AMDHD2: variants seen among roughly 807,000 people sequenced by gnomAD.
AMDHD2 encodes the protein N-acetylglucosamine-6-phosphate deacetylase.
A neutral mutation model predicts 41.8 loss-of-function variants in AMDHD2; 24 were observed. The observed-to-expected ratio is 0.57, with a 90% CI of 0.42 to 0.81. The LOEUF (loss-of-function observed/expected upper bound fraction) is 0.81, where lower values mean the gene tolerates loss of function less well. Ranked by LOEUF, AMDHD2 falls within the 30% of genes least tolerant of loss-of-function variation. The probability of loss-of-function intolerance (pLI) is 0.00; values close to 1 mark genes in which losing one functional copy is unlikely to be tolerated. For synonymous variants in AMDHD2, 332 were observed against 255.5 expected (o/e 1.30, Z -2.85); for missense variants, 540 against 588.5 (o/e 0.92, Z 0.85).
rs749350413 is a variant in AMDHD2 at position 2,523,905 on chromosome 16, C to T, written c.360+2782C>T. ...TCTGCTAAGCCTTGCCTACCTGTCCCCACTGTGCCCCCCACTGCCTGCGCA... is the reference window on the plus strand; with the variant it reads ...TCTGCTAAGCCTTGCCTACCTGTCCTCACTGTGCCCCCCACTGCCTGCGCA... On this transcript the variant is annotated intron_variant, in intron 3 of 10. Transcript: ENST00000293971. Among the ~76,000 whole-genome samples the T allele has an allele frequency of 2.0e-5, 3 of 152,262 alleles. No homozygotes were observed. In the South Asian group the frequency reaches 6.2e-4, roughly 31 times the overall value.
chr16:2,525,247 G>A (rs1342073465), intron 3 of AMDHD2, among the ~76,000 whole-genome samples: 1 of 151,574 alleles, frequency 6.6e-6, no homozygotes, highest in Non-Finnish European at 1.5e-5. Flanking sequence ...TAGTAGAGAT[G>A]GGCTTGCTCC....
At chr16:2,521,684 C>T (rs543567095) in intron 3 of AMDHD2, among the ~76,000 whole-genome samples, 3 of 151,466 alleles carry the variant, frequency 2.0e-5, no homozygotes, top group Admixed American at 6.6e-5. Context: ...CTGTATGTTA[C>T]TACTATTCAG....
intron 3 of AMDHD2, among the ~76,000 whole-genome samples, 189 bp downstream of exon 3, chr16:2,521,312 C>T (rs1042332707): frequency 6.6e-6 from 1 of 151,662 alleles, no homozygotes; most frequent in Non-Finnish European, 1.5e-5. Context: ...CTCTGCCTGG[C>T]CTCCCTAGAC....
chr16:2,525,683 T>C (rs1392413109), intron 3 of AMDHD2, among the ~76,000 whole-genome samples: 3 of 152,214 alleles, frequency 2.0e-5, no homozygotes, highest in African/African-American at 7.2e-5. Context: ...TAGCTGGGAC[T>C]ACAGGTGCTC....
intron 3 of AMDHD2, among the ~76,000 whole-genome samples, chr16:2,521,468 G>T (rs528553449): frequency 6.6e-6 from 1 of 152,180 alleles, no homozygotes; most frequent in Non-Finnish European, 1.5e-5. Flanking sequence ...TCTGTGATTG[G>T]CACAGCGATA....
In AMDHD2 at chr16:2,521,157, G is replaced by T. The variant is rs550043424; in HGVS notation, c.360+34G>T. 15 of 1,517,614 alleles carry T rather than the reference G, an allele frequency of 9.9e-6. No individual in the cohort carries two copies. In the East Asian group the frequency reaches 3.4e-4, roughly 34 times the overall value. 94.0% of individuals were successfully genotyped at this position (1,517,614 alleles called of 1,614,324 possible). On this transcript the variant is annotated intron_variant, in intron 3 of 10. Transcript: ENST00000293971. ...AGGCTCCCTGGCTGAGGTGGAGGGG[G>T]CTCCCGGAGCAACCAGCGCCCTCAT...
intron 3 of AMDHD2, among the ~76,000 whole-genome samples, chr16:2,524,391 A>AG (rs35778897): frequency 1.3e-5 from 2 of 152,150 alleles, no homozygotes; most frequent in African/African-American, 2.4e-5. Context: ...AGGCACCTCC[A>AG]GGGGGCAGCC....
chr16:2,529,943 A>G lies in AMDHD2; in HGVS notation c.*380A>G, dbSNP rs1300235372. 1 of 859,914 alleles carries G rather than the reference A, an allele frequency of 1.2e-6. No homozygotes were observed. Among genetic ancestry groups the G allele is most frequent in the Non-Finnish European group, 1.7e-6 (1 of 588,654 alleles). The allele number at this position is 859,914 out of a possible 1,614,324, so 53.3% of individuals were successfully genotyped here. A position where few individuals can be genotyped will look rare whatever the true frequency, so the allele number is the denominator to read the frequency against. On this transcript the variant is annotated 3_prime_UTR_variant, in exon 11 of 11. Coordinates refer to ENST00000293971, the MANE Select transcript of AMDHD2 (RefSeq NM_001330449.2). Reference sequence around the variant, plus strand: ...GTCACTATGGGAGGGAGGGGCAGGCAGTCAGTGGCTGGTGCCATGGGGTGA... The same window carrying G: ...GTCACTATGGGAGGGAGGGGCAGGCGGTCAGTGGCTGGTGCCATGGGGTGA...
Position 2,528,983 on chromosome 16 carries a change from C to G in AMDHD2, c.1040-11C>G, listed in dbSNP as rs753766613. On this transcript the variant is annotated splice_polypyrimidine_tract_variant and intron_variant, in intron 9 of 10. Transcript: ENST00000293971. The stretch of plus-strand genomic sequence containing the variant: ...CTTGGGGACTGTCACCTAGCTGTGT[C>G]CCCCAAGCAGGCTGCAGCATGGAGT... 1 of 1,566,710 alleles carries G rather than the reference C, an allele frequency of 6.4e-7. No homozygotes were observed. Among genetic ancestry groups the G allele is most frequent in the Non-Finnish European group, 8.6e-7 (1 of 1,157,012 alleles).
chr16:2,524,462 C>T (rs1258186669), intron 3 of AMDHD2, among the ~76,000 whole-genome samples: 2 of 152,252 alleles, frequency 1.3e-5, no homozygotes, highest in Non-Finnish European at 1.5e-5. Flanking sequence ...TGTTTACCTG[C>T]CTGGAGTGTG....
rs1338715879 is a variant in AMDHD2 at position 2,530,701 on chromosome 16, C to T, written c.*1138C>T. 6.2e-7 allele frequency: 1 copy of T among 1,614,074 alleles called. No homozygotes were observed. Among genetic ancestry groups the T allele is most frequent in the East Asian group, 2.2e-5 (1 of 44,880 alleles). ...CAAAGAGATAGGATGGTCTGGGCCC[C>T]ACCTGTTGGAAGGGAACAGCCAGGG... is the stretch of plus-strand genomic sequence containing the variant. On this transcript the variant is annotated 3_prime_UTR_variant, in exon 11 of 11. Coordinates refer to ENST00000293971, the MANE Select transcript of AMDHD2 (RefSeq NM_001330449.2).
chr16:2,525,265 C>T (rs1257777770), intron 3 of AMDHD2, among the ~76,000 whole-genome samples: 1 of 151,610 alleles, frequency 6.6e-6, no homozygotes, highest in East Asian at 1.9e-4. Context: ...TCCATGTTGG[C>T]AAGGCTGGTC....
chr16:2,520,687 C>T, intron 1 of AMDHD2, 82 bp from the exon 2 acceptor site: 3 of 1,363,964 alleles, frequency 2.2e-6, no homozygotes, highest in Non-Finnish European at 9.4e-7. Context: ...GTGCAGGGTG[C>T]GGGGCCGGGG....
At position 2,530,507 on chromosome 16, in the gene AMDHD2, C is replaced by T; in HGVS notation, c.*944C>T. ...CAGACGTCAGGGATTGGTGCAGCCCCACGTCAGGGGTGATTGTCTTGACTT... is the reference window on the plus strand; with the variant it reads ...CAGACGTCAGGGATTGGTGCAGCCCTACGTCAGGGGTGATTGTCTTGACTT... On this transcript the variant is annotated 3_prime_UTR_variant, in exon 11 of 11. Transcript: ENST00000293971. The T allele has an allele frequency of 6.2e-7, 1 of 1,614,114 alleles. No homozygotes were observed. The highest frequency in any genetic ancestry group is 8.5e-7 in the Non-Finnish European group (1 of 1,179,996).
Position 2,520,747 on chromosome 16 carries a change from C to G in AMDHD2, c.84-22C>G, listed in dbSNP as rs1452843100. 3 of 1,538,306 alleles carry G rather than the reference C, an allele frequency of 2.0e-6. No homozygotes were observed. The East Asian group carries it at 7.0e-5, about 36-fold the overall frequency. On this transcript the variant is annotated intron_variant, in intron 1 of 10. Transcript: ENST00000293971. ...GCCGAGGTCAGGCCCGCGATGCGAG[C>G]GCCCACCCACTGCGTCCCCAGGGAG...
chr16:2,527,771 A>G lies in AMDHD2; in HGVS notation c.416-2A>G. The stretch of plus-strand genomic sequence containing the variant: ...CTGGAGCCACTTGCTCCCTCCTCCC[A>G]GGGCTGCACCTGGAGGGCCCCTTCA... On this transcript the variant is annotated splice_acceptor_variant, in intron 4 of 10. Coordinates refer to ENST00000293971, the MANE Select transcript of AMDHD2 (RefSeq NM_001330449.2). LOFTEE classifies it high-confidence loss of function. This position sits in a 1 kb window ranked among gnomAD's most constrained non-coding sequence, Gnocchi z 6.1. 6.4e-7 allele frequency: 1 copy of G among 1,573,182 alleles called. No homozygotes were observed. Among genetic ancestry groups the G allele is most frequent in the Non-Finnish European group, 8.6e-7 (1 of 1,163,406 alleles).
In AMDHD2 at chr16:2,527,700, C is replaced by T; in HGVS notation, c.416-73C>T. 1 of 1,559,850 alleles carries T rather than the reference C, an allele frequency of 6.4e-7. No individual in the cohort carries two copies. On this transcript the variant is annotated intron_variant, in intron 4 of 10. Coordinates refer to ENST00000293971, the MANE Select transcript of AMDHD2 (RefSeq NM_001330449.2). The surrounding 1 kb of genome is among the most constrained non-coding windows in gnomAD (Gnocchi z 6.1). ...AGCCCCCACCCCTCCAGATGCCCAG[C>T]TGGTGGGGAGGGCAGGTGATAAGGG...
chr16:2,525,757 G>C (rs188460534), intron 3 of AMDHD2, among the ~76,000 whole-genome samples: 2 of 152,250 alleles, frequency 1.3e-5, no homozygotes, highest in Admixed American at 1.3e-4. Flanking sequence ...CATTAGCCAG[G>C]ATGGTCTCGA....
Position 2,531,014 on chromosome 16 carries a change from G to A in AMDHD2, c.*1451G>A. 6.2e-7 allele frequency: 1 copy of A among 1,607,438 alleles called. No individual in the cohort carries two copies. The highest frequency in any genetic ancestry group is 8.5e-7 in the Non-Finnish European group (1 of 1,175,078). ...GGCAGGTGAGGTTCTCAGCCGATGT[G>A]TTAGAGGTTGAGCATCGCCTGTGCC... On this transcript the variant is annotated 3_prime_UTR_variant, in exon 11 of 11. Coordinates refer to ENST00000293971, the MANE Select transcript of AMDHD2 (RefSeq NM_001330449.2).
Sources: allele counts gnomAD v4.1 joint callset (sites outside exome capture counted in the v4.1 genomes callset), GRCh38; gene constraint gnomAD v4.1.1; non-coding constraint Gnocchi (gnomAD v3.1); transcripts MANE v1.5; gene names NCBI Gene and HGNC (gene_info 2026-07-23, HGNC 2026-07-21).